PRKAG2: variants seen among roughly 807,000 people sequenced by gnomAD.
PRKAG2 encodes the protein 5'-AMP-activated protein kinase subunit gamma-2.
PRKAG2 carries 26 observed loss-of-function variants against 69.6 expected under a neutral mutation model. The observed-to-expected ratio is 0.37, with a 90% confidence interval of 0.27 to 0.52. PRKAG2 has a LOEUF of 0.52. PRKAG2 is among the 20% of genes least tolerant of loss of function. The pLI, the probability that PRKAG2 is intolerant of heterozygous loss-of-function variation, is 0.90. For missense variants in PRKAG2, 557 were observed against 740.0 expected (o/e 0.75, Z 2.87); for synonymous variants, 293 against 285.0 (o/e 1.03, Z -0.28).
In PRKAG2 at chr7:151,747,587, A is replaced by C. The variant is rs1031562849; in HGVS notation, c.466+33565T>G. The stretch of plus-strand genomic sequence containing the variant: ...AAAACCAACCAACCAAACAAACAAA[A>C]AAACTGTAAAGTATGTAATGCATCT... On this transcript the variant is annotated intron_variant, in intron 3 of 15. Transcript: ENST00000287878. 6.0e-4 allele frequency among the ~76,000 whole-genome samples: 86 copies of C among 144,284 alleles called. 1 individual carries two copies. Among genetic ancestry groups the C allele is most frequent in the African/African-American group, 2.0e-3 (76 of 38,696 alleles). 94.7% of individuals were successfully genotyped at this position (144,284 alleles called of 152,430 possible).
rs12113991 is a variant in PRKAG2, at chr7:151,758,513, G to C, written c.466+22639C>G. On this transcript the variant is annotated intron_variant, in intron 3 of 15. Coordinates refer to ENST00000287878, the MANE Select transcript of PRKAG2 (RefSeq NM_016203.4). ...TTTCCATCTGAGGGAGGAGGGAAAAGGATAAAGGCATGTTGAGCTCTAGGA... is the reference window on the plus strand; with the variant it reads ...TTTCCATCTGAGGGAGGAGGGAAAACGATAAAGGCATGTTGAGCTCTAGGA... Among the ~76,000 whole-genome samples the C allele has an allele frequency of 7.5e-3, 1,146 of 152,318 alleles. 17 individuals carry two copies. The highest frequency in any genetic ancestry group is 0.026 in the African/African-American group (1,094 of 41,560).
At chr7:151,711,365 G>T (rs1795289166) in intron 3 of PRKAG2, among the ~76,000 whole-genome samples, 1 of 149,606 alleles carries the variant, frequency 6.7e-6, no homozygotes, top group African/African-American at 2.6e-5. Context: ...TAGGCTGAGA[G>T]TACTAATAGT....
intron 13 of PRKAG2, 125 bp downstream of exon 13, chr7:151,565,221 T>C: frequency 2.5e-6 from 2 of 813,372 alleles, no homozygotes; most frequent in Non-Finnish European, 3.6e-6. Flanking sequence ...ATTCTGATAA[T>C]ATCCTCACAC....
At chr7:151,760,601 A>G (rs1228008563) in intron 3 of PRKAG2, among the ~76,000 whole-genome samples, 1 of 152,222 alleles carries the variant, frequency 6.6e-6, no homozygotes, top group African/African-American at 2.4e-5. Context: ...ATGTGCACTT[A>G]GCATTTCCTC....
chr7:151,697,779 C>G (rs1322553770), intron 3 of PRKAG2, among the ~76,000 whole-genome samples: 1 of 152,046 alleles, frequency 6.6e-6, no homozygotes, highest in Non-Finnish European at 1.5e-5. Context: ...CAGAAAATGC[C>G]ACAGAAATCG....
At chr7:151,874,127 G>A (rs556960907) in intron 1 of PRKAG2, among the ~76,000 whole-genome samples, 1 of 138,300 alleles carries the variant, frequency 7.2e-6, no homozygotes, top group South Asian at 2.3e-4. Flanking sequence ...ATATGTATAT[G>A]ATGTATATGT....
intron 3 of PRKAG2, among the ~76,000 whole-genome samples, chr7:151,748,110 G>C (rs1159952588): frequency 1.3e-5 from 2 of 151,818 alleles, no homozygotes; most frequent in Non-Finnish European, 2.9e-5. Context: ...TTGTAGAGAT[G>C]GGGTTTCACC....
intron 1 of PRKAG2, among the ~76,000 whole-genome samples, chr7:151,840,187 C>T (rs59704802): frequency 2.6e-5 from 4 of 152,160 alleles, no homozygotes; most frequent in Non-Finnish European, 4.4e-5. Context: ...TTCATCTCCC[C>T]GGAGCTGGTG....
At chr7:151,747,355 G>A (rs2074345406) in intron 3 of PRKAG2, among the ~76,000 whole-genome samples, 1 of 152,154 alleles carries the variant, frequency 6.6e-6, no homozygotes, top group South Asian at 2.1e-4. Flanking sequence ...TCAGGAGTTC[G>A]AGACCAGCCT....
intron 15 of PRKAG2, chr7:151,560,208 C>T (rs1365190250): frequency 8.2e-7 from 1 of 1,221,024 alleles, no homozygotes; most frequent in Non-Finnish European, 1.0e-6. Context: ...CTAGTTCTCT[C>T]ACAAAGCACA....
chr7:151,832,246 A>G (rs984286264), intron 1 of PRKAG2, among the ~76,000 whole-genome samples: 2 of 18,300 alleles, frequency 1.1e-4, no homozygotes, highest in African/African-American at 3.1e-4. Context: ...GGAGGAGGGA[A>G]GGAAGGGAGG....
intron 3 of PRKAG2, among the ~76,000 whole-genome samples, chr7:151,702,726 A>G (rs1837927419): frequency 6.6e-6 from 1 of 152,224 alleles, no homozygotes. Flanking sequence ...ATAAGACTCT[A>G]GCATGAATTA....
At chr7:151,738,271 T>C (rs1475873536) in intron 3 of PRKAG2, among the ~76,000 whole-genome samples, 2 of 90,892 alleles carry the variant, frequency 2.2e-5, no homozygotes, top group Admixed American at 2.3e-4. Flanking sequence ...GATGCCCAGA[T>C]CTGCCATTCC....
chr7:151,735,357 T>C (rs544713404), intron 3 of PRKAG2, among the ~76,000 whole-genome samples: 2 of 152,124 alleles, frequency 1.3e-5, no homozygotes, highest in Non-Finnish European at 2.9e-5. Flanking sequence ...CCCATCCTCC[T>C]GTACATGGAG....
At chr7:151,731,765 G>A (rs1195847898) in intron 3 of PRKAG2, among the ~76,000 whole-genome samples, 3 of 152,170 alleles carry the variant, frequency 2.0e-5, no homozygotes, top group South Asian at 2.1e-4. Context: ...GTGGAGAGGA[G>A]GGAGGAGAAG....
At chr7:151,832,790 T>C (rs1357699127) in intron 1 of PRKAG2, among the ~76,000 whole-genome samples, 1 of 151,874 alleles carries the variant, frequency 6.6e-6, no homozygotes, top group Non-Finnish European at 1.5e-5. Flanking sequence ...CCCTCCCTCT[T>C]CTCTAGGTAA....
rs780697778 is a variant in PRKAG2 at position 151,557,154 on chromosome 7, G to A, written c.*47C>T. On this transcript the variant is annotated 3_prime_UTR_variant, in exon 16 of 16. Transcript: ENST00000287878. ...TGTTCATGAGGCAAAACGTGACCCA[G>A]AGACTTTGTTCAAGTTCTCCTCCTA... is the stretch of plus-strand genomic sequence containing the variant. 6.2e-7 allele frequency: 1 copy of A among 1,614,010 alleles called. No homozygotes were observed. Among genetic ancestry groups the A allele is most frequent in the Admixed American group, 1.7e-5 (1 of 60,020 alleles).
intron 6 of PRKAG2, among the ~76,000 whole-genome samples, chr7:151,593,862 C>T (rs55957357): frequency 0.045 from 6,832 of 152,248 alleles, 497 homozygotes; most frequent in African/African-American, 0.16. Flanking sequence ...TATTTCCATA[C>T]GTTAACAAGA....
rs180842266 is a variant in PRKAG2 at position 151,807,658 on chromosome 7, G to A, written c.115-21117C>T. On this transcript the variant is annotated intron_variant, in intron 1 of 15. Coordinates refer to ENST00000287878, the MANE Select transcript of PRKAG2 (RefSeq NM_016203.4). The surrounding 1 kb of genome is among the most constrained non-coding windows in gnomAD (Gnocchi z 4.4). ...CAGGTAAGTCCCAGCAGGGTGCGAT[G>A]TCCCAAACCTACACAACCGTTTCCA... 4.4e-6 allele frequency: 2 copies of A among 455,322 alleles called. No individual in the cohort carries two copies. Among genetic ancestry groups the A allele is most frequent in the Non-Finnish European group, 8.9e-6 (2 of 224,994 alleles). 28.2% of individuals were successfully genotyped at this position (455,322 alleles called of 1,614,324 possible).
Sources: allele counts gnomAD v4.1 joint callset (sites outside exome capture counted in the v4.1 genomes callset), GRCh38; gene constraint gnomAD v4.1.1; non-coding constraint Gnocchi (gnomAD v3.1); transcripts MANE v1.5; gene names NCBI Gene and HGNC (gene_info 2026-07-23, HGNC 2026-07-21).